The following SOX6 variants were observed in gnomAD, a reference collection of about 807,000 sequenced individuals.
SOX6 encodes transcription factor SOX-6.
Under a neutral mutation model 97.8 loss-of-function variants are expected in SOX6, and 11 were observed. The ratio of observed to expected loss-of-function variants is 0.11; its 90% CI spans 0.07 to 0.19. The LOEUF (loss-of-function observed/expected upper bound fraction) is 0.19, where lower values mean the gene tolerates loss of function less well. Ranked by LOEUF, SOX6 falls within the 10% of genes least tolerant of loss-of-function variation. The pLI, the probability that SOX6 is intolerant of heterozygous loss-of-function variation, is 1.00. For synonymous variants in SOX6, 360 were observed against 371.4 expected (o/e 0.97, Z 0.35); for missense variants, 810 against 1,039.5 (o/e 0.78, Z 3.04).
At position 16,504,811 on chromosome 11, in the gene SOX6, A is replaced by G. The variant is rs1860760254; in HGVS notation, n.610-28423T>C. ...GAGTTCTCCCCAGATCTACTTGTTT[A>G]AAAGTGTGTAGCACCTCCACTGGCT... On this transcript the variant is annotated intron_variant and non_coding_transcript_variant, in intron 4 of 5. Transcript: ENST00000524520. Among the ~76,000 whole-genome samples the G allele has an allele frequency of 4.6e-5, 7 of 152,032 alleles. No homozygotes were observed. The South Asian group carries it at 1.0e-3, about 23-fold the overall frequency.
At chr11:16,477,024 C>T (rs1860264716), upstream of SOX6, among the ~76,000 whole-genome samples, 1 of 152,192 alleles carries the variant, frequency 6.6e-6, no homozygotes, top group Admixed American at 6.5e-5. Context: ...TTTTATGCCT[C>T]TACATGCCTA....
intron 4 of SOX6, among the ~76,000 whole-genome samples, chr11:16,572,893 C>T (rs1402881047): frequency 6.6e-6 from 1 of 152,116 alleles, no homozygotes; most frequent in Non-Finnish European, 1.5e-5. Flanking sequence ...CTTAAACAAG[C>T]AGAGATAAAG....
intron 10 of SOX6, among the ~76,000 whole-genome samples, chr11:16,050,625 T>C (rs1847662371): frequency 6.6e-6 from 1 of 152,238 alleles, no homozygotes; most frequent in Non-Finnish European, 1.5e-5. Context: ...TGTTTCTTTA[T>C]ATGCTTTTCT....
intron 13 of SOX6, among the ~76,000 whole-genome samples, chr11:16,006,800 A>G (rs1213142683): frequency 6.6e-6 from 1 of 152,068 alleles, no homozygotes; most frequent in African/African-American, 2.4e-5. Flanking sequence ...AATGTGGTCT[A>G]TATTTTTTAA....
At chr11:16,297,219 G>A (rs1222787255) in intron 3 of SOX6, among the ~76,000 whole-genome samples, 1 of 151,932 alleles carries the variant, frequency 6.6e-6, no homozygotes, top group Non-Finnish European at 1.5e-5. Context: ...CTTTGTAATT[G>A]GACTGATTTA....
intron 1 of SOX6, among the ~76,000 whole-genome samples, chr11:16,427,461 C>G (rs1859168347): frequency 1.3e-5 from 2 of 151,858 alleles, no homozygotes; most frequent in African/African-American, 2.4e-5. Flanking sequence ...GGTATATCTC[C>G]TAATGCTATC....
chr11:16,701,367 A>G (rs2134041514), intron 3 of SOX6, among the ~76,000 whole-genome samples: 1 of 152,306 alleles, frequency 6.6e-6, no homozygotes, highest in Non-Finnish European at 1.5e-5. Flanking sequence ...ATATTAAATA[A>G]AATTATGTTA....
intron 4 of SOX6, among the ~76,000 whole-genome samples, chr11:16,535,994 A>C (rs1213931064): frequency 1.3e-5 from 2 of 152,212 alleles, no homozygotes; most frequent in Non-Finnish European, 2.9e-5. Context: ...AATTTCTGCA[A>C]CTTCAATTTG....
rs926929696 is a variant in SOX6 at position 16,035,282 on chromosome 11, G to A, written c.1623+11232C>T. On this transcript the variant is annotated intron_variant, in intron 12 of 15. Coordinates refer to ENST00000683767, the MANE Select transcript of SOX6 (RefSeq NM_001367873.1). ...TATGGGATTCAAAACAAAAAACTTT[G>A]AAGTCTCTCAAGTTCAATATTAACT... Among the ~76,000 whole-genome samples the A allele has an allele frequency of 2.0e-5, 3 of 152,154 alleles. No homozygotes were observed. The East Asian group carries it at 5.8e-4, about 29-fold the overall frequency.
chr11:16,191,234 C>T (rs1215322684), intron 4 of SOX6, among the ~76,000 whole-genome samples: 3 of 152,060 alleles, frequency 2.0e-5, no homozygotes, highest in Admixed American at 6.6e-5. Flanking sequence ...GTGGGGGGAT[C>T]GCTTGAAGCC....
At chr11:16,053,555 T>C (rs1208811204) in intron 10 of SOX6, among the ~76,000 whole-genome samples, 2 of 152,100 alleles carry the variant, frequency 1.3e-5, no homozygotes, top group Non-Finnish European at 2.9e-5. Context: ...TAACTCCAGT[T>C]TTTTTCAGAG....
chr11:16,311,229 A>G (rs1855592547), intron 3 of SOX6: 1 of 152,172 alleles, frequency 6.6e-6, no homozygotes, highest in Admixed American at 6.6e-5. Context: ...GTACAGAATG[A>G]GATTCCTAGA....
intron 3 of SOX6, among the ~76,000 whole-genome samples, chr11:16,266,867 TA>T (rs1424976948): frequency 7.9e-5 from 12 of 151,470 alleles, no homozygotes; most frequent in African/African-American, 2.9e-4. Flanking sequence ...ATCATGCATA[TA>T]AAAAACATGA....
intron 4 of SOX6, among the ~76,000 whole-genome samples, chr11:16,223,601 AC>A (rs1218887215): frequency 6.6e-6 from 1 of 152,144 alleles, no homozygotes; most frequent in African/African-American, 2.4e-5. Flanking sequence ...TAATACTGAA[AC>A]AAAAATTGTT....
At chr11:16,189,048 G>GTGAGA (rs1449161039) in intron 4 of SOX6, among the ~76,000 whole-genome samples, 1 of 152,248 alleles carries the variant, frequency 6.6e-6, no homozygotes, top group African/African-American at 2.4e-5. Flanking sequence ...GGGTGTAGGA[G>GTGAGA]TGAGACTCCA....
intron 1 of SOX6, among the ~76,000 whole-genome samples, chr11:16,415,662 C>T (rs1462575450): frequency 6.6e-6 from 1 of 152,124 alleles, no homozygotes; most frequent in Non-Finnish European, 1.5e-5. Context: ...TGAAATATCA[C>T]TCTGTACCCC....
intron 3 of SOX6, among the ~76,000 whole-genome samples, chr11:16,692,226 A>C (rs1000452620): frequency 6.6e-6 from 1 of 152,046 alleles, no homozygotes; most frequent in Non-Finnish European, 1.5e-5. Context: ...ATGCACCACC[A>C]TGCCCAACTA....
chr11:16,275,525 G>C (rs1854375422), intron 3 of SOX6, among the ~76,000 whole-genome samples: 1 of 151,964 alleles, frequency 6.6e-6, no homozygotes, highest in Non-Finnish European at 1.5e-5. Context: ...TAAGCCAATT[G>C]GTTATTAACA....
At chr11:16,244,552 C>CTA (rs1853281177) in intron 3 of SOX6, among the ~76,000 whole-genome samples, 1 of 151,538 alleles carries the variant, frequency 6.6e-6, no homozygotes, top group African/African-American at 2.4e-5. Context: ...CTTCTAGAAA[C>CTA]TTTAGAGTTT....
Sources: gnomAD v4.1 joint callset for allele counts (sites outside exome capture counted in the v4.1 genomes callset) on GRCh38, gnomAD v4.1.1 for gene constraint, MANE v1.5 for transcripts, NCBI Gene and HGNC (gene_info 2026-07-23, HGNC 2026-07-21) for gene names.